Variants in MYO1E observed in about 807,000 individuals in gnomAD.
The protein encoded by MYO1E is unconventional myosin-Ie.
A neutral mutation model predicts 151.1 loss-of-function variants in MYO1E; 68 were observed. The ratio of observed to expected loss-of-function variants is 0.45; its 90% CI spans 0.37 to 0.55. The LOEUF is 0.55. Ranked by LOEUF, MYO1E falls within the 20% of genes least tolerant of loss-of-function variation. The pLI, the probability that MYO1E is intolerant of heterozygous loss-of-function variation, is 0.00. For missense variants in MYO1E, 1,363 were observed against 1,389.3 expected (o/e 0.98, Z 0.30); for synonymous variants, 601 against 501.7 (o/e 1.20, Z -2.64).
chr15:59,321,798 G>A (rs1263463221), intron 1 of MYO1E, among the ~76,000 whole-genome samples: 1 of 151,494 alleles, frequency 6.6e-6, no homozygotes. Context: ...AATCTCTTGA[G>A]CCCAGGAGGT....
chr15:59,191,671 C>G (rs1251745509), intron 17 of MYO1E, among the ~76,000 whole-genome samples: 1 of 152,206 alleles, frequency 6.6e-6, no homozygotes. Context: ...ATAACTTCCA[C>G]CATCAGGAAA....
intron 1 of MYO1E, among the ~76,000 whole-genome samples, chr15:59,323,361 AG>A (rs2080640621): frequency 6.6e-6 from 1 of 151,618 alleles, no homozygotes; most frequent in Non-Finnish European, 1.5e-5. Context: ...TTTAAAATTA[AG>A]GGTGATATGG....
chr15:59,236,230 C>A (rs2080062375), intron 5 of MYO1E, among the ~76,000 whole-genome samples: 1 of 151,888 alleles, frequency 6.6e-6, no homozygotes, highest in Admixed American at 6.6e-5. Context: ...GTAATCCCAG[C>A]TACTCAGGAG....
rs1232193583 is a variant in MYO1E, at chr15:59,173,931, G to A, written c.2165-16C>T. 6.2e-7 allele frequency: 1 copy of A among 1,613,266 alleles called. No homozygotes were observed. Among genetic ancestry groups the A allele is most frequent in the Non-Finnish European group, 8.5e-7 (1 of 1,179,426 alleles). On this transcript the variant is annotated splice_polypyrimidine_tract_variant and intron_variant, in intron 20 of 27. Coordinates refer to ENST00000288235, the MANE Select transcript of MYO1E (RefSeq NM_004998.4). ...AGGTCTGAGGCTACAATTCCCAAGAGGGTCAAGATGGAAGAAGGATAAGTC... is the reference window on the plus strand; with the variant it reads ...AGGTCTGAGGCTACAATTCCCAAGAAGGTCAAGATGGAAGAAGGATAAGTC...
chr15:59,366,545 G>A (rs1410820653), intron 1 of MYO1E, among the ~76,000 whole-genome samples: 8 of 152,090 alleles, frequency 5.3e-5, no homozygotes, highest in African/African-American at 1.9e-4. Flanking sequence ...CCATTCAAAA[G>A]TGCTTTGAAC....
chr15:59,238,020 T>C (rs1596379691), intron 4 of MYO1E, among the ~76,000 whole-genome samples: 1 of 152,188 alleles, frequency 6.6e-6, no homozygotes, highest in African/African-American at 2.4e-5. Flanking sequence ...CTCACCATCC[T>C]AGTGCTATGC....
intron 1 of MYO1E, among the ~76,000 whole-genome samples, chr15:59,298,338 C>G (rs536313881): frequency 2.0e-5 from 3 of 152,326 alleles, no homozygotes; most frequent in Admixed American, 2.0e-4. Context: ...GACTTCCTCA[C>G]AGCCCGCTGA....
At chr15:59,256,647 C>T (rs2080195534) in intron 3 of MYO1E, among the ~76,000 whole-genome samples, 2 of 152,120 alleles carry the variant, frequency 1.3e-5, no homozygotes, top group Admixed American at 1.3e-4. Context: ...ATTCAGCCTT[C>T]CGGATGTGCC....
At chr15:59,261,110 G>A (rs1281980238) in intron 3 of MYO1E, among the ~76,000 whole-genome samples, 1 of 152,112 alleles carries the variant, frequency 6.6e-6, no homozygotes, top group African/African-American at 2.4e-5. Flanking sequence ...CTACTTGGGA[G>A]GCTGAGGCAG....
chr15:59,287,284 T>G (rs2080392966), intron 1 of MYO1E, among the ~76,000 whole-genome samples: 2 of 152,196 alleles, frequency 1.3e-5, no homozygotes. Flanking sequence ...GCAAGCCCAG[T>G]TTGCAGAAGG....
chr15:59,308,582 G>GA (rs1233291452), intron 1 of MYO1E, among the ~76,000 whole-genome samples: 2 of 151,486 alleles, frequency 1.3e-5, no homozygotes, highest in Admixed American at 1.3e-4. Context: ...TGAGGCAGGA[G>GA]AATCACTTGA....
At chr15:59,230,103 C>T (rs113374517) in intron 6 of MYO1E, among the ~76,000 whole-genome samples, 14 of 152,086 alleles carry the variant, frequency 9.2e-5, no homozygotes, top group African/African-American at 3.1e-4. Flanking sequence ...CGTGTTTTCT[C>T]GATTATTATC....
intron 1 of MYO1E, among the ~76,000 whole-genome samples, chr15:59,336,524 A>G (rs947270938): frequency 1.3e-5 from 2 of 152,172 alleles, no homozygotes; most frequent in Non-Finnish European, 2.9e-5. Flanking sequence ...TGAATTTTGG[A>G]CATGTGTTGG....
intron 21 of MYO1E, 37 bp downstream of exon 21, chr15:59,173,708 CT>C (rs777519115): frequency 1.9e-6 from 3 of 1,607,920 alleles, no homozygotes; most frequent in Non-Finnish European, 2.6e-6. Flanking sequence ...AATAAGGAAT[CT>C]GTTTGGTGAT....
intron 5 of MYO1E, among the ~76,000 whole-genome samples, chr15:59,235,925 GT>G (rs1322353085): frequency 6.6e-6 from 1 of 152,146 alleles, no homozygotes; most frequent in Non-Finnish European, 1.5e-5. Context: ...TATCATGATG[GT>G]GAACATACTT....
At chr15:59,372,317 G>A (rs1399057053) in intron 1 of MYO1E, among the ~76,000 whole-genome samples, 181 bp downstream of exon 1, 3 of 152,184 alleles carry the variant, frequency 2.0e-5, no homozygotes, top group Non-Finnish European at 4.4e-5. Context: ...CCCCTCGCTC[G>A]CTCTCCCCCG....
At position 59,157,848 on chromosome 15, in the gene MYO1E, G is replaced by A. The variant is rs189675744; in HGVS notation, c.2878+439C>T. 1.8e-4 allele frequency among the ~76,000 whole-genome samples: 27 copies of A among 152,338 alleles called. No individual in the cohort carries two copies. The South Asian group carries it at 3.5e-3, about 20-fold the overall frequency. ...CTGCATTTTCAAGCCCCCACTGGGC[G>A]TCTTGGAATGCATCCCCCGAGGATA... On this transcript the variant is annotated intron_variant, in intron 25 of 27. Transcript: ENST00000288235.
At chr15:59,326,308 A>G (rs2080663926) in intron 1 of MYO1E, among the ~76,000 whole-genome samples, 1 of 152,154 alleles carries the variant, frequency 6.6e-6, no homozygotes, top group Admixed American at 6.5e-5. Context: ...AGACGAGGTC[A>G]GGAGATCGAG....
At chr15:59,146,173 C>T (rs558823185) in intron 26 of MYO1E, among the ~76,000 whole-genome samples, 214 of 152,272 alleles carry the variant, frequency 1.4e-3, no homozygotes, top group African/African-American at 4.5e-3. Flanking sequence ...CATGTGCCAC[C>T]ATTTGTTTTA....
Sources: allele counts gnomAD v4.1 joint callset (sites outside exome capture counted in the v4.1 genomes callset), GRCh38; gene constraint gnomAD v4.1.1; transcripts MANE v1.5; gene names NCBI Gene and HGNC (gene_info 2026-07-23, HGNC 2026-07-21).